STARD9: variants seen among roughly 807,000 people sequenced by gnomAD.
STARD9 encodes stAR-related lipid transfer protein 9.
A neutral mutation model predicts 399.8 loss-of-function variants in STARD9; 346 were observed. That is an observed-to-expected ratio of 0.87 (90% CI 0.79 to 0.95). STARD9 has a LOEUF of 0.95. Among genes scored for constraint, STARD9 ranks in the 40% least tolerant of loss-of-function variants. The probability of loss-of-function intolerance (pLI) is 0.00; values close to 1 mark genes in which losing one functional copy is unlikely to be tolerated. For missense variants in STARD9, 5,832 were observed against 5,667.5 expected (o/e 1.03, Z -0.93); for synonymous variants, 2,203 against 2,143.5 (o/e 1.03, Z -0.77).
At chr15:42,585,775 G>C in intron 3 of STARD9, 138 bp downstream of exon 3, 1 of 471,838 alleles carries the variant, frequency 2.1e-6, no homozygotes. Flanking sequence ...GGTACTTTAA[G>C]AAAACTTTGA....
At position 42,669,176 on chromosome 15, in the gene STARD9, G is replaced by A; in HGVS notation, c.1336G>A (p.Asp446Asn). Reference sequence around the variant, plus strand: ...TCTGCAGATAGACCAGCTGACTAAAGACTGGACCCAGAAGTGGAATGATTG... The same window carrying A: ...TCTGCAGATAGACCAGCTGACTAAAAACTGGACCCAGAAGTGGAATGATTG... The part of the protein sequence containing the change: ...NELKIDQLTK[D>N]WTQKWNDWQA... Residue 446 changes from aspartate (D) to asparagine (N), a missense_variant, in exon 16 of 33, where the codon GAC becomes AAC. Coordinates refer to ENST00000290607, the MANE Select transcript of STARD9 (RefSeq NM_020759.3). 1 of 1,535,192 alleles carries A rather than the reference G, an allele frequency of 6.5e-7. No homozygotes were observed. Among genetic ancestry groups the A allele is most frequent in the Admixed American group, 2.0e-5 (1 of 50,972 alleles).
chr15:42,621,363 G>A (rs778149018), intron 3 of STARD9, among the ~76,000 whole-genome samples: 9 of 152,048 alleles, frequency 5.9e-5, no homozygotes, highest in African/African-American at 2.2e-4. Flanking sequence ...ATTTTATACA[G>A]TGGATTACAA....
intron 1 of STARD9, among the ~76,000 whole-genome samples, chr15:42,578,527 A>G (rs905053360): frequency 2.0e-5 from 3 of 152,142 alleles, no homozygotes; most frequent in East Asian, 3.9e-4. Flanking sequence ...GTCTACTCCA[A>G]TTAACCATTA....
At chr15:42,615,013 A>ATTTT (rs111730580) in intron 3 of STARD9, among the ~76,000 whole-genome samples, 3 of 135,988 alleles carry the variant, frequency 2.2e-5, no homozygotes, top group Non-Finnish European at 3.1e-5. Flanking sequence ...ATAGTCAAGG[A>ATTTT]TTTTTTTTTT....
In STARD9 at chr15:42,687,223, C is replaced by G; in HGVS notation, c.5645C>G (p.Pro1882Arg). Residue 1882 changes from proline to arginine, a missense_variant, in exon 23 of 33, where the codon CCA (proline) becomes CGA (arginine). Physicochemically the swap from Pro to Arg is moderately radical, Grantham distance 103. Around this residue, in one of 2 missense-constraint regions of STARD9, gnomAD observed 5,828 missense variants for 5,651.1 expected, o/e 1.03. Coordinates refer to ENST00000290607, the MANE Select transcript of STARD9 (RefSeq NM_020759.3). ...VVILNKKHSF[P>R]ALEGGEVTAQ... ...ATTTTAAATAAAAAACACAGTTTTC[C>G]AGCACTTGAGGGAGGAGAGGTCACT... 1 of 1,537,232 alleles carries G rather than the reference C, an allele frequency of 6.5e-7. No individual in the cohort carries two copies. Among genetic ancestry groups the G allele is most frequent in the Non-Finnish European group, 8.7e-7 (1 of 1,146,958 alleles).
At chr15:42,604,178 A>G (rs1434643110) in intron 3 of STARD9, among the ~76,000 whole-genome samples, 1 of 152,240 alleles carries the variant, frequency 6.6e-6, no homozygotes, top group Non-Finnish European at 1.5e-5. Context: ...TTTCACTGCC[A>G]TAACTTCCTA....
chr15:42,693,706 C>T lies in STARD9; in HGVS notation c.12128C>T (p.Pro4043Leu), dbSNP rs1357422560. ...PEKVASPEHC[P>L]LSGREPSQWQ... The stretch of plus-strand genomic sequence containing the variant: ...AAGGTGGCTTCCCCGGAGCATTGCC[C>T]ACTGAGCGGTAGGGAGCCAAGTCAG... Residue 4043 changes from proline to leucine, a missense_variant, in exon 23 of 33, where the codon CCA (proline) becomes CTA (leucine). Pro to Leu is a moderately conservative substitution (Grantham distance 98). Transcript: ENST00000290607. The T allele has an allele frequency of 3.3e-6, 5 of 1,537,090 alleles. No homozygotes were observed. The East Asian group carries it at 1.2e-4, about 38-fold the overall frequency.
intron 3 of STARD9, among the ~76,000 whole-genome samples, chr15:42,607,359 T>C (rs1050109950): frequency 1.3e-5 from 2 of 151,718 alleles, no homozygotes; most frequent in African/African-American, 2.4e-5. Flanking sequence ...TGCACCACCA[T>C]GCGCGGCTAA....
chr15:42,607,062 C>T (rs898396913), intron 3 of STARD9, among the ~76,000 whole-genome samples: 1 of 151,872 alleles, frequency 6.6e-6, no homozygotes, highest in African/African-American at 2.4e-5. Flanking sequence ...ATCCTACCAC[C>T]TTAGCTTCCT....
At chr15:42,679,328 C>T (rs1014440853) in intron 20 of STARD9, among the ~76,000 whole-genome samples, 1 of 152,242 alleles carries the variant, frequency 6.6e-6, no homozygotes, top group African/African-American at 2.4e-5. Context: ...AGTTGCTATC[C>T]TGAGCCTCCA....
intron 26 of STARD9, among the ~76,000 whole-genome samples, chr15:42,703,399 G>T (rs1203530482): frequency 1.4e-5 from 2 of 146,348 alleles, no homozygotes; most frequent in Admixed American, 6.8e-5. Context: ...GTCTTGCACT[G>T]TTCACCCAGG....
chr15:42,641,393 A>T (rs1170852801), intron 7 of STARD9, among the ~76,000 whole-genome samples: 13 of 152,118 alleles, frequency 8.5e-5, no homozygotes, highest in Admixed American at 8.5e-4. Context: ...TACTTTAAGT[A>T]CTAGGGTACA....
At chr15:42,671,624 T>G (rs1173416500) in intron 16 of STARD9, 2 of 149,944 alleles carry the variant, frequency 1.3e-5, no homozygotes, top group Admixed American at 6.7e-5. Context: ...AGGAAAGGAA[T>G]GTGAGCTGGT....
chr15:42,597,892 G>A (rs142520634), intron 3 of STARD9, among the ~76,000 whole-genome samples: 3,202 of 151,754 alleles, frequency 0.021, 129 homozygotes, highest in African/African-American at 0.074. Flanking sequence ...GGCTAGTCTC[G>A]AATCCTGACC....
At chr15:42,713,133 CA>C (rs2061281441) in intron 26 of STARD9, among the ~76,000 whole-genome samples, 1 of 152,116 alleles carries the variant, frequency 6.6e-6, no homozygotes, top group Non-Finnish European at 1.5e-5. Context: ...TCGAAGTTTT[CA>C]GAGTATAAGT....
At chr15:42,681,318 C>T in intron 20 of STARD9, 104 bp from the exon 21 acceptor site, 3 of 1,198,876 alleles carry the variant, frequency 2.5e-6, no homozygotes, top group South Asian at 3.2e-5. Context: ...ACTCTCTACC[C>T]TGTTGATTGC....
At position 42,689,674 on chromosome 15, in the gene STARD9, C is replaced by T. The variant is rs1371155944; in HGVS notation, c.8096C>T (p.Ser2699Phe). The T allele has an allele frequency of 1.3e-6, 2 of 1,537,692 alleles. No homozygotes were observed. The highest frequency in any genetic ancestry group is 2.0e-5 in the Admixed American group (1 of 50,988). Residue 2699 changes from serine (S) to phenylalanine (F), a missense_variant, in exon 23 of 33, where the codon TCT (serine) becomes TTT (phenylalanine). By Grantham distance (155) the Ser-to-Phe change is radical. Around this residue, in one of 2 missense-constraint regions of STARD9, gnomAD observed 5,828 missense variants for 5,651.1 expected, o/e 1.03. Transcript: ENST00000290607. The stretch of plus-strand genomic sequence containing the variant: ...CCATTTATATGTCACTCTAGTTCTT[C>T]TGAAATCATAGAGAAAAAGAAAGAT... ...SEPFICHSSSSEIIEKKKDAT... is the reference protein window; with the variant it reads ...SEPFICHSSSFEIIEKKKDAT...
intron 3 of STARD9, among the ~76,000 whole-genome samples, chr15:42,610,676 A>C (rs1334098957): frequency 6.6e-6 from 1 of 152,072 alleles, no homozygotes. Context: ...CCTCCTGAGT[A>C]GCTGGGATTA....
In STARD9 at chr15:42,693,081, C is replaced by G; in HGVS notation, c.11503C>G (p.Pro3835Ala). The G allele has an allele frequency of 6.5e-7, 1 of 1,537,130 alleles. No individual in the cohort carries two copies. The highest frequency in any genetic ancestry group is 8.7e-7 in the Non-Finnish European group (1 of 1,146,886). The change falls in exon 23 of 33, where the codon CCC becomes GCC. Residue 3835 changes from proline to alanine, a missense_variant. Physicochemically the swap from Pro to Ala is conservative, Grantham distance 27. This residue lies in a region of STARD9 where 5,828 missense variants were observed against 5,651.1 expected (regional missense o/e 1.03). Transcript: ENST00000290607. The part of the protein sequence containing the change: ...PVGQHLPSVS[P>A]SVSDAFLPPS... Reference sequence around the variant, plus strand: ...TGGGCAGCATCTTCCTTCTGTGAGCCCCTCAGTTTCTGATGCTTTCCTGCC... The same window carrying G: ...TGGGCAGCATCTTCCTTCTGTGAGCGCCTCAGTTTCTGATGCTTTCCTGCC...
Sources: gnomAD v4.1 joint callset for allele counts (sites outside exome capture counted in the v4.1 genomes callset) on GRCh38, gnomAD v4.1.1 for gene constraint, gnomAD v4.1.1 regional missense constraint, MANE v1.5 for transcripts, NCBI Gene and HGNC (gene_info 2026-07-23, HGNC 2026-07-21) for gene names.